ITFG1: variants seen among roughly 807,000 people sequenced by gnomAD.
ITFG1 encodes the protein T-cell immunomodulatory protein.
ITFG1 carries 34 observed loss-of-function variants against 81.8 expected under a neutral mutation model. The observed-to-expected ratio is 0.42, with a 90% CI of 0.32 to 0.55. The LOEUF (loss-of-function observed/expected upper bound fraction) is 0.55. Among genes scored for constraint, ITFG1 ranks in the 20% least tolerant of loss-of-function variants. ITFG1 has a pLI of 0.17. For missense variants in ITFG1, 672 were observed against 755.4 expected, an observed-to-expected ratio of 0.89 and a Z score of 1.29; for synonymous variants, 285 against 270.6, an observed-to-expected ratio of 1.05 and a Z score of -0.52.
intron 10 of ITFG1, among the ~76,000 whole-genome samples, chr16:47,285,809 G>T (rs1966867446): frequency 1.3e-5 from 2 of 152,136 alleles, no homozygotes; most frequent in South Asian, 4.2e-4. Flanking sequence ...TCAATTCAAA[G>T]AATTTTGTAA....
At chr16:47,225,744 A>G (rs1253574936) in intron 13 of ITFG1, among the ~76,000 whole-genome samples, 1 of 152,226 alleles carries the variant, frequency 6.6e-6, no homozygotes. Context: ...TGCCAGATAA[A>G]ACCAGAAAGA....
chr16:47,415,808 A>G (rs992125586), intron 6 of ITFG1, among the ~76,000 whole-genome samples: 2 of 152,112 alleles, frequency 1.3e-5, no homozygotes, highest in Non-Finnish European at 2.9e-5. Flanking sequence ...CTCTTTAAAA[A>G]TCTTGCCGTG....
intron 13 of ITFG1, among the ~76,000 whole-genome samples, chr16:47,221,313 A>G (rs539736771): frequency 1.3e-5 from 2 of 152,288 alleles, no homozygotes; most frequent in South Asian, 2.1e-4. Context: ...AATTTTGTCA[A>G]AGGCCTTTTC....
chr16:47,323,060 T>A (rs1325723395), intron 8 of ITFG1, among the ~76,000 whole-genome samples: 1 of 152,174 alleles, frequency 6.6e-6, no homozygotes, highest in Non-Finnish European at 1.5e-5. Context: ...GATGCTTTTC[T>A]GTTTTGCTGA....
At chr16:47,336,845 C>T (rs1183069821) in intron 8 of ITFG1, among the ~76,000 whole-genome samples, 1 of 152,106 alleles carries the variant, frequency 6.6e-6, no homozygotes, top group East Asian at 1.9e-4. Flanking sequence ...TGCCTGTAAT[C>T]CCAGCTACTC....
At chr16:47,341,675 G>C (rs908058820) in intron 8 of ITFG1, among the ~76,000 whole-genome samples, 3 of 152,096 alleles carry the variant, frequency 2.0e-5, no homozygotes, top group African/African-American at 7.2e-5. Flanking sequence ...TTAAAAAATG[G>C]ATGAACTTTT....
rs370373752 is a variant in ITFG1, at chr16:47,164,847, C to G, written c.1454-2183G>C. 5.9e-5 allele frequency among the ~76,000 whole-genome samples: 9 copies of G among 152,318 alleles called. No homozygotes were observed. The East Asian group carries it at 1.5e-3, about 26-fold the overall frequency. ...CAGTCATATCCATTGGCTGTGAAGCCGCTGGCTTTCCATGGCTACTGCACT... is the reference window on the plus strand; with the variant it reads ...CAGTCATATCCATTGGCTGTGAAGCGGCTGGCTTTCCATGGCTACTGCACT... On this transcript the variant is annotated intron_variant, in intron 14 of 17. Coordinates refer to ENST00000320640, the MANE Select transcript of ITFG1 (RefSeq NM_030790.5).
chr16:47,459,361 A>G (rs951795972), intron 1 of ITFG1, among the ~76,000 whole-genome samples, 186 bp from the exon 2 acceptor site: 3 of 152,200 alleles, frequency 2.0e-5, no homozygotes, highest in Non-Finnish European at 4.4e-5. Context: ...CACAAGTTCA[A>G]TGTTCAAAGT....
At chr16:47,441,886 A>C (rs1596987247) in intron 5 of ITFG1, among the ~76,000 whole-genome samples, 1 of 152,340 alleles carries the variant, frequency 6.6e-6, no homozygotes, top group South Asian at 2.1e-4. Context: ...GAGGAAGTCA[A>C]ATTGTCCCTG....
intron 10 of ITFG1, among the ~76,000 whole-genome samples, chr16:47,310,574 T>C (rs1196011556): frequency 2.0e-5 from 3 of 152,208 alleles, no homozygotes; most frequent in South Asian, 2.1e-4. Flanking sequence ...ATTAAAGTAA[T>C]TGCAGCATTA....
chr16:47,346,508 G>T (rs1304441803), intron 8 of ITFG1, among the ~76,000 whole-genome samples: 2 of 152,160 alleles, frequency 1.3e-5, no homozygotes, highest in African/African-American at 4.8e-5. Flanking sequence ...TTTCTGAAAA[G>T]ATGAGCAAAA....
chr16:47,356,624 A>G (rs1435926318), intron 8 of ITFG1, among the ~76,000 whole-genome samples: 1 of 152,234 alleles, frequency 6.6e-6, no homozygotes, highest in African/African-American at 2.4e-5. Context: ...CTATCCATCC[A>G]TCACCCACCA....
At chr16:47,359,791 G>A (rs1297547065) in intron 8 of ITFG1, among the ~76,000 whole-genome samples, 2 of 152,212 alleles carry the variant, frequency 1.3e-5, no homozygotes, top group African/African-American at 4.8e-5. Flanking sequence ...TCAAGTCTCA[G>A]ATCAGATGTA....
intron 14 of ITFG1, among the ~76,000 whole-genome samples, chr16:47,204,644 A>T (rs969499909): frequency 6.6e-6 from 1 of 152,204 alleles, no homozygotes; most frequent in South Asian, 2.1e-4. Flanking sequence ...ATAAGGTTTA[A>T]TGAACCACTG....
chr16:47,234,849 A>G (rs1439028176), intron 13 of ITFG1, among the ~76,000 whole-genome samples: 1 of 152,184 alleles, frequency 6.6e-6, no homozygotes, highest in Non-Finnish European at 1.5e-5. Flanking sequence ...GGTGGAAGGT[A>G]ACTGAATCAC....
rs1013518157 is a variant in ITFG1 at position 47,304,013 on chromosome 16, G to GA, written c.1070+7226dup. Among the ~76,000 whole-genome samples, 103 of 149,396 alleles carry GA rather than the reference G, an allele frequency of 6.9e-4. 1 individual carries two copies. The East Asian group carries it at 0.011, about 17-fold the overall frequency. On this transcript the variant is annotated intron_variant, in intron 10 of 17. Coordinates refer to ENST00000320640, the MANE Select transcript of ITFG1 (RefSeq NM_030790.5). Reference sequence around the variant, plus strand: ...GATCGGACTAAGTCACTGGGATTTGGAAAAAAAAAATTCTTAGATTGATAC... The same window carrying GA: ...GATCGGACTAAGTCACTGGGATTTGGAAAAAAAAAAATTCTTAGATTGATAC...
chr16:47,195,488 A>C lies in ITFG1; in HGVS notation c.1453+23380T>G, dbSNP rs979870004. ...AGTACACTGCTACTATTATTACTTT[A>C]AACAAAGTTTTTTTTAGCTCAATTA... On this transcript the variant is annotated intron_variant, in intron 14 of 17. Transcript: ENST00000320640. Among the ~76,000 whole-genome samples the C allele has an allele frequency of 2.0e-5, 3 of 152,170 alleles. No homozygotes were observed. The East Asian group carries it at 5.8e-4, about 29-fold the overall frequency.
At chr16:47,407,908 T>A (rs1968749826) in intron 6 of ITFG1, among the ~76,000 whole-genome samples, 1 of 152,136 alleles carries the variant, frequency 6.6e-6, no homozygotes, top group Non-Finnish European at 1.5e-5. Flanking sequence ...TAGATGGTGC[T>A]TATTAAAGCC....
chr16:47,437,469 TG>T (rs1969182453), intron 5 of ITFG1, among the ~76,000 whole-genome samples: 1 of 132,768 alleles, frequency 7.5e-6, no homozygotes, highest in African/African-American at 2.9e-5. Context: ...GTCCATCTCC[TG>T]AAAAAAAAAA....
Sources: gnomAD v4.1 joint callset for allele counts (sites outside exome capture counted in the v4.1 genomes callset) on GRCh38, gnomAD v4.1.1 for gene constraint, MANE v1.5 for transcripts, NCBI Gene and HGNC (gene_info 2026-07-23, HGNC 2026-07-21) for gene names.